Variants in HCRTR2 observed in about 807,000 individuals in gnomAD.
HCRTR2 encodes orexin receptor type 2.
HCRTR2 carries 22 observed loss-of-function variants against 49.0 expected under a neutral mutation model. That is an observed-to-expected ratio of 0.45 (90% CI 0.32 to 0.64). The LOEUF is 0.64. Among genes scored for constraint, HCRTR2 ranks in the 30% least tolerant of loss-of-function variants. The pLI is 0.04. For synonymous variants in HCRTR2, 236 were observed against 205.3 expected (o/e 1.15, Z -1.28); for missense variants, 491 against 559.4 (o/e 0.88, Z 1.23).
chr6:55,193,513 G>A (rs1326827119), intron 1 of HCRTR2, among the ~76,000 whole-genome samples: 1 of 150,876 alleles, frequency 6.6e-6, no homozygotes, highest in Admixed American at 6.6e-5. Flanking sequence ...ACAAAACTTT[G>A]GATTTGAGGG....
chr6:55,208,346 G>A (rs967786984), intron 1 of HCRTR2, among the ~76,000 whole-genome samples: 2 of 141,738 alleles, frequency 1.4e-5, no homozygotes, highest in African/African-American at 5.3e-5. Flanking sequence ...AAAAAAAATA[G>A]CCAGGTGTGG....
At chr6:55,245,503 A>ATATATATATATATATATATATC (rs1402605395) in intron 1 of HCRTR2, among the ~76,000 whole-genome samples, 4 of 124,528 alleles carry the variant, frequency 3.2e-5, no homozygotes, top group Non-Finnish European at 5.0e-5. Flanking sequence ...ATATATATAT[A>ATATATATATATATATATATATC]TATCTTCCCC....
intron 1 of HCRTR2, among the ~76,000 whole-genome samples, chr6:55,146,396 A>G (rs994257994): frequency 1.3e-5 from 2 of 152,196 alleles, no homozygotes; most frequent in African/African-American, 4.8e-5. Flanking sequence ...ACTTGCAGGC[A>G]TTAATTTTCA....
chr6:55,232,940 G>A (rs1016235577), intron 1 of HCRTR2, among the ~76,000 whole-genome samples: 10 of 152,114 alleles, frequency 6.6e-5, no homozygotes, highest in Admixed American at 2.6e-4. Context: ...TTAAAGATTA[G>A]GCTTTTTTAT....
chr6:55,131,768 C>A (rs1463320931), intron 1 of HCRTR2, among the ~76,000 whole-genome samples: 1 of 150,596 alleles, frequency 6.6e-6, no homozygotes, highest in South Asian at 2.1e-4. Context: ...TGAAAAATAA[C>A]ATCTTATCCA....
chr6:55,192,753 T>A (rs1256828394), intron 1 of HCRTR2, among the ~76,000 whole-genome samples: 1 of 152,224 alleles, frequency 6.6e-6, no homozygotes, highest in African/African-American at 2.4e-5. Context: ...TCTCTAAGAA[T>A]CATGTTAATC....
At chr6:55,246,006 A>T (rs1239808448) in intron 1 of HCRTR2, among the ~76,000 whole-genome samples, 1 of 152,004 alleles carries the variant, frequency 6.6e-6, no homozygotes, top group Non-Finnish European at 1.5e-5. Context: ...GATGATGGCC[A>T]TGTGAAGATA....
intron 2 of HCRTR2, among the ~76,000 whole-genome samples, chr6:55,250,356 T>C (rs1766525867): frequency 6.6e-6 from 1 of 152,120 alleles, no homozygotes; most frequent in Non-Finnish European, 1.5e-5. Flanking sequence ...AGGAAAGTAA[T>C]ACATTTCAGA....
intron 4 of HCRTR2, among the ~76,000 whole-genome samples, chr6:55,268,903 A>G (rs1403647143): frequency 6.6e-6 from 1 of 151,870 alleles, no homozygotes; most frequent in South Asian, 2.1e-4. Flanking sequence ...ATCCTAGCTA[A>G]CATGGTGAAA....
At chr6:55,235,796 T>G (rs1046236910) in intron 1 of HCRTR2, among the ~76,000 whole-genome samples, 2 of 152,046 alleles carry the variant, frequency 1.3e-5, no homozygotes, top group African/African-American at 4.8e-5. Context: ...TACGTAGGTG[T>G]GGATCTCAAC....
intron 1 of HCRTR2, among the ~76,000 whole-genome samples, chr6:55,160,189 G>A (rs1001677840): frequency 2.0e-5 from 3 of 152,078 alleles, no homozygotes; most frequent in Admixed American, 6.6e-5. Flanking sequence ...TATTCAACAT[G>A]CTTTAAGAAA....
At chr6:55,269,172 A>G (rs1766923228) in intron 4 of HCRTR2, among the ~76,000 whole-genome samples, 1 of 152,016 alleles carries the variant, frequency 6.6e-6, no homozygotes, top group African/African-American at 2.4e-5. Flanking sequence ...CTATGAAACC[A>G]CTGGGCTTAA....
Position 55,277,585 on chromosome 6 carries a change from T to A in HCRTR2, c.968T>A (p.Leu323His), listed in dbSNP as rs1197902656. Residue 323 changes from leucine (L) to histidine (H), a missense_variant, in exon 5 of 7, where the codon CTC (leucine) becomes CAC (histidine). Transcript: ENST00000370862. ...ATTTGCTATCTACCAATTAGCATCC[T>A]CAATGTGCTAAAGAGGTAAAACTTA... The part of the protein sequence containing the change: ...FAICYLPISI[L>H]NVLKRVFGMF... 6.2e-7 allele frequency: 1 copy of A among 1,610,738 alleles called. No homozygotes were observed. Among genetic ancestry groups the A allele is most frequent in the Non-Finnish European group, 8.5e-7 (1 of 1,176,998 alleles).
chr6:55,240,009 G>A (rs1354161832), intron 1 of HCRTR2, among the ~76,000 whole-genome samples: 1 of 151,714 alleles, frequency 6.6e-6, no homozygotes, highest in Non-Finnish European at 1.5e-5. Flanking sequence ...ACACCTGACC[G>A]CGGGTGATCC....
At chr6:55,135,552 G>A (rs376048095) in intron 1 of HCRTR2, among the ~76,000 whole-genome samples, 1 of 152,080 alleles carries the variant, frequency 6.6e-6, no homozygotes, top group South Asian at 2.1e-4. Context: ...TTCAGTTTGT[G>A]TTAGTTGGAG....
intron 3 of HCRTR2, among the ~76,000 whole-genome samples, chr6:55,262,167 A>G (rs1766769841): frequency 6.6e-6 from 1 of 151,734 alleles, no homozygotes; most frequent in East Asian, 1.9e-4. Flanking sequence ...GGTAAAGTGT[A>G]CACTGCATGG....
Position 55,174,866 on chromosome 6 carries a change from G to A in HCRTR2, c.223+56G>A, listed in dbSNP as rs564789310. The A allele has an allele frequency of 9.4e-5, 135 of 1,430,200 alleles. 2 individuals carry two copies. In the South Asian group the frequency reaches 1.5e-3, roughly 16 times the overall value. The allele number at this position is 1,430,200 out of a possible 1,614,324, so 88.6% of individuals were successfully genotyped here. ...GGCTATCACCCCCTCTCCGCCCCGG[G>A]CTGAGAAGGCTCTAAAGAGACCCCT... On this transcript the variant is annotated intron_variant, in intron 1 of 6. Coordinates refer to ENST00000370862, the MANE Select transcript of HCRTR2 (RefSeq NM_001384272.1).
At chr6:55,134,357 C>CA in intron 1 of HCRTR2, among the ~76,000 whole-genome samples, 1 of 151,482 alleles carries the variant, frequency 6.6e-6, no homozygotes, top group East Asian at 1.9e-4. Context: ...ATATAATTGG[C>CA]AAAAAATTTA....
chr6:55,195,762 G>T (rs1765397612), intron 1 of HCRTR2, among the ~76,000 whole-genome samples: 1 of 152,088 alleles, frequency 6.6e-6, no homozygotes, highest in African/African-American at 2.4e-5. Context: ...ACAAGATCAG[G>T]AGAATGAGAC....
Sources: allele counts gnomAD v4.1 joint callset (sites outside exome capture counted in the v4.1 genomes callset), GRCh38; gene constraint gnomAD v4.1.1; transcripts MANE v1.5; gene names NCBI Gene and HGNC (gene_info 2026-07-23, HGNC 2026-07-21).